The following ZBTB20 variants were observed in gnomAD, a reference collection of about 807,000 sequenced individuals.
ZBTB20 encodes the protein zinc finger and BTB domain containing 20, also known as zinc finger and BTB domain-containing protein 20.
ZBTB20 carries 9 observed loss-of-function variants against 56.9 expected under a neutral mutation model. That is an observed-to-expected ratio of 0.16 (90% CI 0.10 to 0.28). The LOEUF (loss-of-function observed/expected upper bound fraction) is 0.28, where lower values mean the gene tolerates loss of function less well. Ranked by LOEUF, ZBTB20 falls within the 10% of genes least tolerant of loss-of-function variation. The pLI, the probability that ZBTB20 is intolerant of heterozygous loss-of-function variation, is 1.00. For missense variants in ZBTB20, 655 were observed against 1,003.0 expected (o/e 0.65, Z 4.69); for synonymous variants, 417 against 420.7 (o/e 0.99, Z 0.11).
intron 6 of ZBTB20, among the ~76,000 whole-genome samples, chr3:114,583,243 C>T (rs2054835392): frequency 6.6e-6 from 1 of 152,224 alleles, no homozygotes; most frequent in Admixed American, 6.5e-5. Flanking sequence ...ACTCTAACCA[C>T]TAACCATGGT....
intron 7 of ZBTB20, among the ~76,000 whole-genome samples, chr3:114,411,141 T>C (rs2087905729): frequency 6.6e-6 from 1 of 152,130 alleles, no homozygotes; most frequent in African/African-American, 2.4e-5. Context: ...AGCAAACATG[T>C]ACATGCAAAA....
intron 2 of ZBTB20, among the ~76,000 whole-genome samples, chr3:115,061,066 T>C (rs1005019453): frequency 6.6e-6 from 1 of 152,154 alleles, no homozygotes; most frequent in Non-Finnish European, 1.5e-5. Flanking sequence ...AAAGAAAGTT[T>C]AGACTTTGGA....
intron 6 of ZBTB20, among the ~76,000 whole-genome samples, chr3:114,594,082 T>C (rs545677860): frequency 6.6e-6 from 1 of 152,132 alleles, no homozygotes; most frequent in Non-Finnish European, 1.5e-5. Context: ...ACAAAGTATA[T>C]ACTAAAGAAA....
chr3:114,425,742 A>G (rs1450310691), intron 7 of ZBTB20, among the ~76,000 whole-genome samples: 1 of 152,168 alleles, frequency 6.6e-6, no homozygotes, highest in Admixed American at 6.5e-5. Context: ...GTTAACTTAG[A>G]TAACACTTTC....
intron 5 of ZBTB20, among the ~76,000 whole-genome samples, chr3:114,769,028 T>C (rs1367369146): frequency 6.6e-6 from 1 of 152,198 alleles, no homozygotes; most frequent in Non-Finnish European, 1.5e-5. Context: ...CACGATAAAA[T>C]TTTATTTTGG....
At chr3:114,595,939 C>T (rs1240989551) in intron 6 of ZBTB20, among the ~76,000 whole-genome samples, 1 of 152,174 alleles carries the variant, frequency 6.6e-6, no homozygotes, top group Non-Finnish European at 1.5e-5. Context: ...GGAAAGTTGA[C>T]ATAATAATGC....
intron 2 of ZBTB20, among the ~76,000 whole-genome samples, chr3:115,056,536 T>G (rs1398300041): frequency 6.6e-6 from 1 of 152,122 alleles, no homozygotes; most frequent in Non-Finnish European, 1.5e-5. Context: ...TCTTTCATAT[T>G]TTTGCATTTT....
chr3:114,921,630 C>T (rs2075962472), intron 3 of ZBTB20, among the ~76,000 whole-genome samples: 1 of 148,708 alleles, frequency 6.7e-6, no homozygotes. Context: ...AACCAAACAC[C>T]GCATGTCCTC....
chr3:115,013,717 C>A (rs552914446), intron 2 of ZBTB20, among the ~76,000 whole-genome samples: 1 of 151,532 alleles, frequency 6.6e-6, no homozygotes, highest in Admixed American at 6.6e-5. Flanking sequence ...GAAAAAGGCA[C>A]AACAAAGACA....
chr3:115,065,869 A>T (rs991101767), intron 2 of ZBTB20, among the ~76,000 whole-genome samples: 1 of 152,176 alleles, frequency 6.6e-6, no homozygotes, highest in African/African-American at 2.4e-5. Context: ...CCCTTAAAGT[A>T]GTGACTCAGA....
At position 114,577,878 on chromosome 3, in the gene ZBTB20, C is replaced by T. The variant is rs9835928; in HGVS notation, c.-294-77487G>A. ...ATCCAGATAAAGGCAACTGTAAAAC[C>T]CCTAGTTAGGGACATGTGAACAAAA... On this transcript the variant is annotated intron_variant, in intron 6 of 11. Coordinates refer to ENST00000675478, the MANE Select transcript of ZBTB20 (RefSeq NM_001348800.3). Among the ~76,000 whole-genome samples, 1,300 of 152,208 alleles carry T rather than the reference C, an allele frequency of 8.5e-3. 12 individuals carry two copies. Among genetic ancestry groups the T allele is most frequent in the Admixed American group, 0.012 (186 of 15,286 alleles).
At chr3:114,504,232 A>T (rs555381557) in intron 6 of ZBTB20, among the ~76,000 whole-genome samples, 3 of 152,240 alleles carry the variant, frequency 2.0e-5, no homozygotes, top group South Asian at 2.1e-4. Flanking sequence ...TTTCTTTTTT[A>T]AAAAAATCTA....
chr3:114,574,903 T>C (rs926661723), intron 6 of ZBTB20, among the ~76,000 whole-genome samples: 1 of 152,204 alleles, frequency 6.6e-6, no homozygotes, highest in Non-Finnish European at 1.5e-5. Flanking sequence ...ATTTAGGTTA[T>C]TGCTATATGG....
At chr3:114,511,538 C>T (rs1399437368) in intron 6 of ZBTB20, among the ~76,000 whole-genome samples, 1 of 152,060 alleles carries the variant, frequency 6.6e-6, no homozygotes, top group Non-Finnish European at 1.5e-5. Flanking sequence ...TCATATATGT[C>T]TTATGTGAAC....
chr3:114,755,614 A>G (rs2067954046), intron 5 of ZBTB20, among the ~76,000 whole-genome samples: 1 of 151,920 alleles, frequency 6.6e-6, no homozygotes. Context: ...TTAACTCCCT[A>G]CTTTCCACAC....
chr3:114,696,280 A>G (rs1315714359), intron 5 of ZBTB20, among the ~76,000 whole-genome samples: 1 of 152,114 alleles, frequency 6.6e-6, no homozygotes, highest in Non-Finnish European at 1.5e-5. Flanking sequence ...CCAATTTCTT[A>G]TGGCTTTAAT....
chr3:114,652,131 TA>T (rs776489215), intron 6 of ZBTB20, among the ~76,000 whole-genome samples: 1 of 152,058 alleles, frequency 6.6e-6, no homozygotes, highest in Non-Finnish European at 1.5e-5. Flanking sequence ...TATGTATATA[TA>T]AAAATGTATA....
At chr3:114,737,591 C>T (rs1009938485) in intron 5 of ZBTB20, among the ~76,000 whole-genome samples, 3 of 152,054 alleles carry the variant, frequency 2.0e-5, no homozygotes, top group Non-Finnish European at 4.4e-5. Flanking sequence ...AGAATCTACA[C>T]GGATAACTTC....
At chr3:114,637,408 T>C (rs2059335931) in intron 6 of ZBTB20, among the ~76,000 whole-genome samples, 1 of 152,114 alleles carries the variant, frequency 6.6e-6, no homozygotes, top group African/African-American at 2.4e-5. Flanking sequence ...GAAACATAAT[T>C]GGGGTTTCAC....
Sources: allele counts gnomAD v4.1 joint callset (sites outside exome capture counted in the v4.1 genomes callset), GRCh38; gene constraint gnomAD v4.1.1; transcripts MANE v1.5; gene names NCBI Gene and HGNC (gene_info 2026-07-23, HGNC 2026-07-21).